The following P4HTM variants were observed in gnomAD, a reference collection of about 807,000 sequenced individuals.
The protein encoded by P4HTM is prolyl 4-hydroxylase, transmembrane.
A neutral mutation model predicts 55.3 loss-of-function variants in P4HTM; 33 were observed. The ratio of observed to expected loss-of-function variants is 0.60; its 90% CI spans 0.45 to 0.80. The LOEUF (loss-of-function observed/expected upper bound fraction) is 0.80. P4HTM is among the 30% of genes least tolerant of loss of function. P4HTM has a pLI of 0.00. For synonymous variants in P4HTM, 272 were observed against 286.4 expected (o/e 0.95, Z 0.51); for missense variants, 542 against 696.5 (o/e 0.78, Z 2.50).
chr3:49,004,240 C>A lies in P4HTM; in HGVS notation c.867C>A (p.Ile289=). 1 of 1,548,398 alleles carries A rather than the reference C, an allele frequency of 6.5e-7. No homozygotes were observed. Among genetic ancestry groups the A allele is most frequent in the Non-Finnish European group, 8.7e-7 (1 of 1,146,532 alleles). Residue 289 remains isoleucine (I), a synonymous_variant, in exon 5 of 9, where the codon ATC becomes ATA. Transcript: ENST00000383729. ...WLYQGEGAHH[I]MRAIRQRVLR... The stretch of plus-strand genomic sequence containing the variant: ...ACCAGGGTGAGGGTGCCCACCACAT[C>A]ATGCGTGCCATCCGCCAGAGGTGAG...
At chr3:49,005,274 C>T in intron 6 of P4HTM, 1 of 1,458,828 alleles carries the variant, frequency 6.9e-7, no homozygotes, top group Non-Finnish European at 9.0e-7. Flanking sequence ...ACTGATGTAC[C>T]CACAGACACC....
At position 48,990,458 on chromosome 3, in the gene P4HTM, G is replaced by A. The variant is rs1053437088; in HGVS notation, c.202G>A (p.Val68Met). ...CTACTTCCTGGTGCTGATGGTGTTC[G>A]TGCACCTGTACCTGGGTAACGTGCT... ...RAYFLVLMVF[V>M]HLYLGNVLAL... The change falls in exon 1 of 9, where the codon GTG becomes ATG. Residue 68 changes from valine to methionine, a missense_variant. Physicochemically the swap from Val to Met is conservative, Grantham distance 21. This residue lies in a region of P4HTM where 536 missense variants were observed against 672.1 expected (regional missense o/e 0.80). Transcript: ENST00000383729. This position sits in a 1 kb window ranked among gnomAD's most constrained non-coding sequence, Gnocchi z 7.2. 1.9e-6 allele frequency: 3 copies of A among 1,610,746 alleles called. No homozygotes were observed. The highest frequency in any genetic ancestry group is 1.1e-5 in the South Asian group (1 of 90,966).
At chr3:48,991,774 C>T (rs1388887248) in intron 2 of P4HTM, 1 of 152,228 alleles carries the variant, frequency 6.6e-6, no homozygotes, top group East Asian at 1.9e-4. Flanking sequence ...GGGTGGGGAC[C>T]CCTAGTCCCA....
chr3:48,990,127 G>C, upstream of P4HTM: 1 of 907,884 alleles, frequency 1.1e-6, no homozygotes, highest in African/African-American at 1.8e-5. This position sits in a 1 kb window ranked among gnomAD's most constrained non-coding sequence, Gnocchi z 7.2. Flanking sequence ...CTCCGGGCGG[G>C]CTCAGCACCC....
In P4HTM at chr3:48,990,736, C is replaced by T; in HGVS notation, c.355-97C>T. ...TGCGTCGGTCCCGCGCGCTCCCACT[C>T]ACTCGCCTGCTGTCGCTCTCCGGGC... On this transcript the variant is annotated intron_variant, in intron 1 of 8. Coordinates refer to ENST00000383729, the MANE Select transcript of P4HTM (RefSeq NM_177939.3). The surrounding 1 kb of genome is among the most constrained non-coding windows in gnomAD (Gnocchi z 7.2). 3 of 1,495,386 alleles carry T rather than the reference C, an allele frequency of 2.0e-6. No individual in the cohort carries two copies. Among genetic ancestry groups the T allele is most frequent in the Non-Finnish European group, 1.8e-6 (2 of 1,099,978 alleles). The allele number at this position is 1,495,386 out of a possible 1,614,324, so 92.6% of individuals were successfully genotyped here.
At position 49,002,939 on chromosome 3, in the gene P4HTM, G is replaced by C; in HGVS notation, c.724+343G>C. On this transcript the variant is annotated intron_variant, in intron 4 of 8. Coordinates refer to ENST00000383729, the MANE Select transcript of P4HTM (RefSeq NM_177939.3). This position sits in a 1 kb window ranked among gnomAD's most constrained non-coding sequence, Gnocchi z 4.4. ...CAGGAGCAAGGCGACAGTGAGGCCA[G>C]CTAGAGCTTGGCTGTTTACCCTGCT... 1 of 393,696 alleles carries C rather than the reference G, an allele frequency of 2.5e-6. No individual in the cohort carries two copies. Among genetic ancestry groups the C allele is most frequent in the Non-Finnish European group, 4.9e-6 (1 of 205,090 alleles). 24.4% of individuals were successfully genotyped at this position (393,696 alleles called of 1,614,324 possible). A position where few individuals can be genotyped will look rare whatever the true frequency, so the allele number is the denominator to read the frequency against.
intron 7 of P4HTM, 88 bp downstream of exon 7, chr3:49,005,955 C>T: frequency 6.5e-7 from 1 of 1,540,522 alleles, no homozygotes; most frequent in South Asian, 1.2e-5. Flanking sequence ...AGGATGTGGG[C>T]CCAAATTATT....
intron 4 of P4HTM, chr3:49,003,388 G>C (rs1245005221): frequency 6.3e-6 from 1 of 158,688 alleles, no homozygotes; most frequent in East Asian, 1.9e-4. Flanking sequence ...CCCACCCTCA[G>C]AGGAATCTGG....
chr3:49,000,546 C>T (rs2092958173), intron 2 of P4HTM, among the ~76,000 whole-genome samples: 1 of 152,176 alleles, frequency 6.6e-6, no homozygotes, highest in Non-Finnish European at 1.5e-5. Flanking sequence ...AGCTCCTCTG[C>T]GTGCTTCTTG....
Position 48,993,859 on chromosome 3 carries a change from C to CAA in P4HTM, c.436+2965_436+2966dup, listed in dbSNP as rs60867672. ...CCTGGGTGACAGTGAGACTCCATCA[C>CAA]AAAAAAAAAAAAAAAAAAAAAGCAT... On this transcript the variant is annotated intron_variant, in intron 2 of 8. Transcript: ENST00000383729. Among the ~76,000 whole-genome samples the CAA allele has an allele frequency of 7.1e-3, 308 of 43,644 alleles. 4 individuals are homozygous for CAA. The highest frequency in any genetic ancestry group is 0.01 in the African/African-American group (130 of 12,606). 28.6% of individuals were successfully genotyped at this position (43,644 alleles called of 152,430 possible).
rs1157964402 is a variant in P4HTM at position 49,006,860 on chromosome 3, G to A, written c.1462G>A (p.Glu488Lys). The A allele has an allele frequency of 1.9e-6, 3 of 1,613,090 alleles. No individual in the cohort carries two copies. Among genetic ancestry groups the A allele is most frequent in the East Asian group, 4.5e-5 (2 of 44,886 alleles). ...AGAAGGGGGCACCGACTCACAGCCC[G>A]AGTGGGCTCTGGACCGGGCCTACCG... ...AREGGTDSQP[E>K]WALDRAYRDA... The change falls in exon 9 of 9, where the codon GAG becomes AAG. Residue 488 changes from glutamate to lysine, a missense_variant. Transcript: ENST00000383729.
chr3:49,001,282 A>G (rs1162769815), intron 2 of P4HTM, 156 bp from the exon 3 acceptor site: 3 of 695,762 alleles, frequency 4.3e-6, no homozygotes, highest in Non-Finnish European at 7.7e-6. Flanking sequence ...CAATCTTGAC[A>G]AGTCAGAATC....
rs1348441527 is a variant in P4HTM, at chr3:49,007,018, C to A, written c.*111C>A. ...TAAAGGTCTGGCCAATGTCTTGCCC[C>A]ACCCCGCCAGCCGCGATACGGCGCA... On this transcript the variant is annotated 3_prime_UTR_variant, in exon 9 of 9. Coordinates refer to ENST00000383729, the MANE Select transcript of P4HTM (RefSeq NM_177939.3). The surrounding 1 kb of genome is among the most constrained non-coding windows in gnomAD (Gnocchi z 5.1). 3 of 890,342 alleles carry A rather than the reference C, an allele frequency of 3.4e-6. No individual in the cohort carries two copies. Among genetic ancestry groups the A allele is most frequent in the Non-Finnish European group, 3.4e-6 (2 of 581,764 alleles). The allele number at this position is 890,342 out of a possible 1,614,324, so 55.2% of individuals were successfully genotyped here. A position where few individuals can be genotyped will look rare whatever the true frequency, so the allele number is the denominator to read the frequency against.
In P4HTM at chr3:49,004,221, G is replaced by C. The variant is rs772495029; in HGVS notation, c.848G>C (p.Gly283Ala). Residue 283 changes from glycine to alanine, a missense_variant, in exon 5 of 9, where the codon GGT (glycine) becomes GCT (alanine). Around this residue, in one of 2 missense-constraint regions of P4HTM, gnomAD observed 536 missense variants for 672.1 expected, o/e 0.80. Coordinates refer to ENST00000383729, the MANE Select transcript of P4HTM (RefSeq NM_177939.3). ...AGCCACCATACCTGGCTCTACCAGG[G>C]TGAGGGTGCCCACCACATCATGCGT... is the stretch of plus-strand genomic sequence containing the variant. ...RNSHHTWLYQ[G>A]EGAHHIMRAI... 8 of 1,548,906 alleles carry C rather than the reference G, an allele frequency of 5.2e-6. No individual in the cohort carries two copies. The highest frequency in any genetic ancestry group is 1.4e-5 in the African/African-American group (1 of 72,986).
At chr3:48,995,246 A>G (rs1336598183) in intron 2 of P4HTM, among the ~76,000 whole-genome samples, 1 of 152,054 alleles carries the variant, frequency 6.6e-6, no homozygotes, top group African/African-American at 2.4e-5. Context: ...AGACACCACA[A>G]GCTCACTACT....
intron 2 of P4HTM, chr3:48,997,326 C>T (rs2092948929): frequency 6.6e-6 from 1 of 152,298 alleles, no homozygotes; most frequent in African/African-American, 2.4e-5. Context: ...AGGCCTCCAT[C>T]TTCCCACTCA....
Position 48,990,439 on chromosome 3 carries a change from C to A in P4HTM, c.183C>A (p.Phe61Leu), listed in dbSNP as rs2092927197. 9 of 1,609,538 alleles carry A rather than the reference C, an allele frequency of 5.6e-6. No homozygotes were observed. The highest frequency in any genetic ancestry group is 7.6e-6 in the Non-Finnish European group (9 of 1,179,196). Residue 61 changes from phenylalanine (F) to leucine (L), a missense_variant, in exon 1 of 9, where the codon TTC becomes TTA. Phe to Leu is a conservative substitution (Grantham distance 22, BLOSUM62 0). Around this residue, in one of 2 missense-constraint regions of P4HTM, gnomAD observed 536 missense variants for 672.1 expected, o/e 0.80. Coordinates refer to ENST00000383729, the MANE Select transcript of P4HTM (RefSeq NM_177939.3). The surrounding 1 kb of genome is among the most constrained non-coding windows in gnomAD (Gnocchi z 7.2). ...KPRGICSRAY[F>L]LVLMVFVHLY... ...GCGGCATCTGCTCGCGCGCCTACTT[C>A]CTGGTGCTGATGGTGTTCGTGCACC...
At chr3:49,004,369 G>T in intron 5 of P4HTM, 109 bp downstream of exon 5, 1 of 1,142,850 alleles carries the variant, frequency 8.8e-7, no homozygotes, top group Non-Finnish European at 1.2e-6. Context: ...ACCCATTTGG[G>T]ATTAAGTTCC....
At chr3:49,005,642 C>A in intron 6 of P4HTM, 135 bp from the exon 7 acceptor site, 1 of 1,442,296 alleles carries the variant, frequency 6.9e-7, no homozygotes. Flanking sequence ...TTGGCACTGG[C>A]CTGCCCTATT....
Sources: allele counts gnomAD v4.1 joint callset (sites outside exome capture counted in the v4.1 genomes callset), GRCh38; gene constraint gnomAD v4.1.1; regional missense constraint gnomAD v4.1.1; non-coding constraint Gnocchi (gnomAD v3.1); transcripts MANE v1.5; gene names NCBI Gene and HGNC (gene_info 2026-07-23, HGNC 2026-07-21).